DLGAP4: variants seen among roughly 807,000 people sequenced by gnomAD.
The protein encoded by DLGAP4 is disks large-associated protein 4.
Under a neutral mutation model 86.9 loss-of-function variants are expected in DLGAP4, and 18 were observed. That is an observed-to-expected ratio of 0.21 (90% CI 0.14 to 0.31). The LOEUF (loss-of-function observed/expected upper bound fraction) is 0.31, where lower values mean the gene tolerates loss of function less well. DLGAP4 is among the 10% of genes least tolerant of loss of function. The probability of loss-of-function intolerance (pLI) is 1.00; values close to 1 mark genes in which losing one functional copy is unlikely to be tolerated. For synonymous variants in DLGAP4, 548 were observed against 574.3 expected, an observed-to-expected ratio of 0.95 and a Z score of 0.65; for missense variants, 1,085 against 1,362.6, an observed-to-expected ratio of 0.80 and a Z score of 3.21.
intron 7 of DLGAP4, among the ~76,000 whole-genome samples, chr20:36,453,947 A>G (rs997641078): frequency 6.7e-6 from 1 of 149,234 alleles, no homozygotes; most frequent in Admixed American, 6.7e-5. Flanking sequence ...AAAAAAAAAA[A>G]AAAAAAAAAG....
chr20:36,318,032 A>G lies in DLGAP4; in HGVS notation c.-304+11520A>G, dbSNP rs1050551743. Among the ~76,000 whole-genome samples, 1,404 of 151,824 alleles carry G rather than the reference A, an allele frequency of 9.2e-3. 10 individuals carry two copies. Among genetic ancestry groups the G allele is most frequent in the Middle Eastern group, 0.024 (7 of 294 alleles). On this transcript the variant is annotated intron_variant, in intron 1 of 12. Coordinates refer to ENST00000339266, the MANE Select transcript of DLGAP4 (RefSeq NM_001365621.2). ...TACCCTGAATCAAGGCTCATCTTCT[A>G]TACTCACTACTTATTACTGTGGAAC...
rs551980381 is a variant in DLGAP4, at chr20:36,471,617, C to G, written c.1648+24680C>G. On this transcript the variant is annotated intron_variant, in intron 7 of 12. Transcript: ENST00000339266. Reference sequence around the variant, plus strand: ...CATCTGAATAGTTGGGAGACTCATTCCTGCCTTTCTCATGTCCCTGGCTAT... The same window carrying G: ...CATCTGAATAGTTGGGAGACTCATTGCTGCCTTTCTCATGTCCCTGGCTAT... Among the ~76,000 whole-genome samples the G allele has an allele frequency of 2.8e-3, 429 of 152,340 alleles. 5 individuals are homozygous for G. The highest frequency in any genetic ancestry group is 1.1e-3 in the Non-Finnish European group (74 of 68,038).
chr20:36,318,623 C>G (rs1461906927), intron 1 of DLGAP4, among the ~76,000 whole-genome samples: 1 of 152,164 alleles, frequency 6.6e-6, no homozygotes, highest in East Asian at 1.9e-4. Flanking sequence ...ATCCTCCCAC[C>G]TCAACCTCTC....
chr20:36,488,677 A>G (rs373789390), intron 7 of DLGAP4, among the ~76,000 whole-genome samples: 1 of 151,740 alleles, frequency 6.6e-6, no homozygotes, highest in African/African-American at 2.4e-5. Context: ...TCCCAGGTTC[A>G]AGTGATTCTC....
rs1295837668 is a variant in DLGAP4, at chr20:36,500,276, G to C, written c.2177G>C (p.Cys726Ser). 2 of 1,613,302 alleles carry C rather than the reference G, an allele frequency of 1.2e-6. No homozygotes were observed. Among genetic ancestry groups the C allele is most frequent in the South Asian group, 1.1e-5 (1 of 90,970 alleles). Residue 726 changes from cysteine (C) to serine (S), a missense_variant, in exon 10 of 13, where the codon TGT (cysteine) becomes TCT (serine). Transcript: ENST00000339266. The surrounding 1 kb of genome is among the most constrained non-coding windows in gnomAD (Gnocchi z 4.6). ...ACCCAGGATGCCAATGACTCAAGCT[G>C]TAAGTCATCTGAGAGGAGCCTCCCG... ...SDTQDANDSS[C>S]KSSERSLPDC...
intron 1 of DLGAP4, among the ~76,000 whole-genome samples, chr20:36,335,217 C>A (rs1298843503): frequency 6.6e-6 from 1 of 152,070 alleles, no homozygotes; most frequent in Non-Finnish European, 1.5e-5. Context: ...GTACAGCCAC[C>A]GCCAGGCCTC....
At chr20:36,427,328 A>G (rs1243049265) in intron 2 of DLGAP4, among the ~76,000 whole-genome samples, 2 of 152,082 alleles carry the variant, frequency 1.3e-5, no homozygotes, top group East Asian at 1.9e-4. Context: ...AATTACAAAA[A>G]TTAGCCGGAT....
In DLGAP4 at chr20:36,496,846, G is replaced by C. The variant is rs1569519341; in HGVS notation, c.1790G>C (p.Ser597Thr). ...TACCTGGACAGCCAGGACCACAAGAGCGAGGTGACTAGCCAGTCGGGCCTG... is the reference window on the plus strand; with the variant it reads ...TACCTGGACAGCCAGGACCACAAGACCGAGGTGACTAGCCAGTCGGGCCTG... ...DTYLDSQDHK[S>T]EVTSQSGLSN... Residue 597 changes from serine to threonine, a missense_variant, in exon 8 of 13, where the codon AGC (serine) becomes ACC (threonine). Physicochemically the swap from Ser to Thr is moderately conservative, Grantham distance 58 (BLOSUM62 1). This residue lies in a region of DLGAP4 where 1,082 missense variants were observed against 1,344.1 expected (regional missense o/e 0.81). Coordinates refer to ENST00000339266, the MANE Select transcript of DLGAP4 (RefSeq NM_001365621.2). The C allele has an allele frequency of 6.2e-7, 1 of 1,614,228 alleles. No homozygotes were observed. The highest frequency in any genetic ancestry group is 8.5e-7 in the Non-Finnish European group (1 of 1,180,040).
chr20:36,513,579 AGAATT>A (rs1479584457), intron 10 of DLGAP4, among the ~76,000 whole-genome samples: 1 of 150,016 alleles, frequency 6.7e-6, no homozygotes, highest in Non-Finnish European at 1.5e-5. Flanking sequence ...AAAAAAAAAA[AGAATT>A]AATCTGGCTT....
At chr20:36,388,887 C>T (rs568125443) in intron 2 of DLGAP4, among the ~76,000 whole-genome samples, 9 of 152,314 alleles carry the variant, frequency 5.9e-5, no homozygotes, top group Admixed American at 5.2e-4. Flanking sequence ...AAGGGGCACC[C>T]AGATGGGCTC....
At chr20:36,387,427 G>A (rs1882759188) in intron 2 of DLGAP4, among the ~76,000 whole-genome samples, 1 of 151,930 alleles carries the variant, frequency 6.6e-6, no homozygotes, top group South Asian at 2.1e-4. Flanking sequence ...TATCTTTGTC[G>A]CAAATATTTT....
At chr20:36,458,061 G>C (rs1301594267) in intron 7 of DLGAP4, among the ~76,000 whole-genome samples, 2 of 152,180 alleles carry the variant, frequency 1.3e-5, no homozygotes, top group African/African-American at 4.8e-5. Flanking sequence ...GCACTGAGGA[G>C]AGAGCCATGG....
chr20:36,500,485 C>T lies in DLGAP4; in HGVS notation c.2386C>T (p.Gln796Ter). 6.3e-7 allele frequency: 1 copy of T among 1,592,396 alleles called. No homozygotes were observed. The highest frequency in any genetic ancestry group is 1.1e-5 in the South Asian group (1 of 88,216). Residue 796 changes from glutamine (Q) to a stop codon, truncating the protein, a stop_gained, in exon 10 of 13, where the codon CAG becomes TAG. Transcript: ENST00000339266. LOFTEE classifies it high-confidence loss of function. The surrounding 1 kb of genome is among the most constrained non-coding windows in gnomAD (Gnocchi z 4.6). Reference sequence around the variant, plus strand: ...CTCCAGCTCCCCAGCAGAGCCGGCACAGCCAGGGGCCTGCCGCCGAGACGG... The same window carrying T: ...CTCCAGCTCCCCAGCAGAGCCGGCATAGCCAGGGGCCTGCCGCCGAGACGG... ...TSSSSPAEPA[Q>*]PGACRRDGYW...
intron 2 of DLGAP4, among the ~76,000 whole-genome samples, chr20:36,388,007 C>T (rs2031658254): frequency 6.6e-6 from 1 of 152,150 alleles, no homozygotes; most frequent in Non-Finnish European, 1.5e-5. Flanking sequence ...GTCATCCAGT[C>T]CTTGGCACTC....
At chr20:36,480,436 G>A (rs962984856) in intron 7 of DLGAP4, among the ~76,000 whole-genome samples, 1 of 152,182 alleles carries the variant, frequency 6.6e-6, no homozygotes. Flanking sequence ...AAAGACCAGT[G>A]GCTCACGCCT....
chr20:36,325,024 TG>T (rs1299047519), intron 1 of DLGAP4, among the ~76,000 whole-genome samples: 5 of 152,278 alleles, frequency 3.3e-5, no homozygotes, highest in East Asian at 1.9e-4. Flanking sequence ...TTTCTAGTTT[TG>T]TTTTTTTTAA....
chr20:36,358,340 T>TA lies in DLGAP4; in HGVS notation c.-303-8704dup, dbSNP rs2030400771. Among the ~76,000 whole-genome samples, 3 of 152,296 alleles carry TA rather than the reference T, an allele frequency of 2.0e-5. No individual in the cohort carries two copies. The South Asian group carries it at 6.2e-4, about 32-fold the overall frequency. On this transcript the variant is annotated intron_variant, in intron 1 of 12. Transcript: ENST00000339266. ...CCAGCTGATGCATGAACCTCACTCT[T>TA]ACGCTACTCTGTTGTGGAACATAAT...
intron 1 of DLGAP4, among the ~76,000 whole-genome samples, chr20:36,320,177 C>T (rs1197457890): frequency 8.1e-6 from 1 of 123,512 alleles, no homozygotes; most frequent in Non-Finnish European, 1.8e-5. Context: ...CCCAGGCCCC[C>T]CTCTGTGCCC....
intron 2 of DLGAP4, among the ~76,000 whole-genome samples, chr20:36,389,578 T>A (rs2031717393): frequency 6.6e-6 from 1 of 152,238 alleles, no homozygotes; most frequent in South Asian, 2.1e-4. Flanking sequence ...GTCTAAGCTG[T>A]GAAGGTTTCC....
Sources: gnomAD v4.1 joint callset for allele counts (sites outside exome capture counted in the v4.1 genomes callset) on GRCh38, gnomAD v4.1.1 for gene constraint, gnomAD v4.1.1 regional missense constraint, Gnocchi (gnomAD v3.1) non-coding constraint, MANE v1.5 for transcripts, NCBI Gene and HGNC (gene_info 2026-07-23, HGNC 2026-07-21) for gene names.